ADAMTSL3: variants seen among roughly 807,000 people sequenced by gnomAD.
The protein encoded by ADAMTSL3 is ADAMTS-like protein 3.
Under a neutral mutation model 201.7 loss-of-function variants are expected in ADAMTSL3, and 128 were observed. That is an observed-to-expected ratio of 0.63 (90% confidence interval 0.55 to 0.73). The LOEUF (loss-of-function observed/expected upper bound fraction) is 0.73. ADAMTSL3 is among the 30% of genes least tolerant of loss of function. ADAMTSL3 has a pLI of 0.00. For synonymous variants in ADAMTSL3, 738 were observed against 748.4 expected (o/e 0.99, Z 0.23); for missense variants, 1,990 against 2,119.6 (o/e 0.94, Z 1.20).
intron 28 of ADAMTSL3, among the ~76,000 whole-genome samples, chr15:84,035,300 A>T (rs183476057): frequency 2.8e-4 from 43 of 152,342 alleles, no homozygotes; most frequent in Admixed American, 2.5e-3. Flanking sequence ...TATTAATAAG[A>T]CAAGACCACC....
At chr15:83,838,597 C>G (rs74341933) in intron 7 of ADAMTSL3, among the ~76,000 whole-genome samples, 1 of 152,288 alleles carries the variant, frequency 6.6e-6, no homozygotes, top group African/African-American at 2.4e-5. Context: ...GCTACTGAAG[C>G]CATTTATCAA....
chr15:83,834,756 GAATCTTATGTTATT>G (rs2064230800), intron 6 of ADAMTSL3, among the ~76,000 whole-genome samples: 1 of 152,136 alleles, frequency 6.6e-6, no homozygotes, highest in South Asian at 2.1e-4. Flanking sequence ...TGTAAGGTAA[GAATCTTATGTTATT>G]AATTTATGCT....
At chr15:83,697,893 C>G (rs529787814) in intron 2 of ADAMTSL3, among the ~76,000 whole-genome samples, 2 of 152,176 alleles carry the variant, frequency 1.3e-5, no homozygotes, top group Admixed American at 1.3e-4. Flanking sequence ...TGATTGGTTC[C>G]CCTGGCAACC....
chr15:83,850,472 A>G (rs1210513948), intron 7 of ADAMTSL3, among the ~76,000 whole-genome samples: 1 of 150,480 alleles, frequency 6.6e-6, no homozygotes, highest in African/African-American at 2.4e-5. Context: ...ATATATGTGT[A>G]TGTATATGGG....
chr15:83,766,821 G>A (rs750043764), intron 3 of ADAMTSL3, among the ~76,000 whole-genome samples: 15 of 152,196 alleles, frequency 9.9e-5, no homozygotes, highest in Admixed American at 3.3e-4. Context: ...ATGGCTGGGC[G>A]TAGTGGTTCA....
chr15:83,813,917 G>A (rs572383243), intron 5 of ADAMTSL3, among the ~76,000 whole-genome samples: 5 of 152,310 alleles, frequency 3.3e-5, no homozygotes, highest in Non-Finnish European at 5.9e-5. Flanking sequence ...ATTCACTGAT[G>A]AGTCATGTTT....
chr15:83,736,747 A>G (rs2062374675), intron 3 of ADAMTSL3, among the ~76,000 whole-genome samples: 1 of 152,202 alleles, frequency 6.6e-6, no homozygotes, highest in Non-Finnish European at 1.5e-5. Flanking sequence ...AGAATAATTC[A>G]TGCTCCAGGT....
intron 19 of ADAMTSL3, among the ~76,000 whole-genome samples, chr15:83,945,583 T>C (rs2142044729): frequency 6.6e-6 from 1 of 152,254 alleles, no homozygotes; most frequent in African/African-American, 2.4e-5. Context: ...ATCACCCAGC[T>C]AAGCCCCAAG....
chr15:83,728,028 T>C (rs1346183974), intron 3 of ADAMTSL3, among the ~76,000 whole-genome samples: 1 of 152,066 alleles, frequency 6.6e-6, no homozygotes, highest in Admixed American at 6.6e-5. Flanking sequence ...ACTATTTGTT[T>C]TATTTATCTG....
At position 83,815,079 on chromosome 15, in the gene ADAMTSL3, C is replaced by T. The variant is rs542118531; in HGVS notation, c.364-4732C>T. On this transcript the variant is annotated intron_variant, in intron 5 of 29. Coordinates refer to ENST00000286744, the MANE Select transcript of ADAMTSL3 (RefSeq NM_207517.3). Reference sequence around the variant, plus strand: ...TTCCTTTCTCTTCCCTTCTCCTCCTCTCCATCCTCTTCTCTTCCTCCTATC... The same window carrying T: ...TTCCTTTCTCTTCCCTTCTCCTCCTTTCCATCCTCTTCTCTTCCTCCTATC... Among the ~76,000 whole-genome samples the T allele has an allele frequency of 1.6e-4, 25 of 152,280 alleles. No individual in the cohort carries two copies. The East Asian group carries it at 4.4e-3, about 27-fold the overall frequency.
rs987095417 is a variant in ADAMTSL3, at chr15:83,769,096, C to CT, written c.190-4415dup. Among the ~76,000 whole-genome samples the CT allele has an allele frequency of 9.7e-3, 1,395 of 143,268 alleles. 19 individuals are homozygous for CT. Among genetic ancestry groups the CT allele is most frequent in the African/African-American group, 0.032 (1,251 of 39,262 alleles). The allele number at this position is 143,268 out of a possible 152,430, so 94.0% of individuals were successfully genotyped here. A position where few individuals can be genotyped will look rare whatever the true frequency, so the allele number is the denominator to read the frequency against. ...TTTTAGTTATTTTAGAATCAAGATT[C>CT]TTTTTTTTTTTTGTAAGTTAAGGTA... On this transcript the variant is annotated intron_variant, in intron 3 of 29. Transcript: ENST00000286744.
chr15:83,803,268 A>G (rs1179474132), intron 4 of ADAMTSL3, among the ~76,000 whole-genome samples: 1 of 152,184 alleles, frequency 6.6e-6, no homozygotes, highest in Non-Finnish European at 1.5e-5. Context: ...TTTTGTAATC[A>G]AGAAAAATGG....
At chr15:83,944,378 A>G (rs1463502600) in intron 19 of ADAMTSL3, among the ~76,000 whole-genome samples, 1 of 152,126 alleles carries the variant, frequency 6.6e-6, no homozygotes, top group Non-Finnish European at 1.5e-5. Context: ...GTGTCTTGTA[A>G]CCTTCAGTCA....
chr15:83,675,486 G>A (rs1315528329), intron 2 of ADAMTSL3, among the ~76,000 whole-genome samples: 1 of 151,746 alleles, frequency 6.6e-6, no homozygotes, highest in Non-Finnish European at 1.5e-5. Flanking sequence ...CTTGGTCATG[G>A]CCTATCATTC....
intron 25 of ADAMTSL3, among the ~76,000 whole-genome samples, chr15:84,016,814 T>C (rs1221212053): frequency 6.6e-6 from 1 of 152,218 alleles, no homozygotes; most frequent in Admixed American, 6.5e-5. Context: ...TTAATAGATA[T>C]TAATAGTCTG....
rs1567226029 is a variant in ADAMTSL3 at position 83,903,930 on chromosome 15, A to AGGGAGGGAGGGAGGGAGGGAGGGAGG, written c.1700+4199_1700+4200insGGGAGGGAGGGAGGGAGGGAGGGAGG. ...CAGACTCCACATCAAAAAAAAAAAA[A>AGGGAGGGAGGGAGGGAGGGAGGGAGG]AAAAAAAAAAAAAAGAAAAAAGAAA... On this transcript the variant is annotated intron_variant, in intron 15 of 29. Coordinates refer to ENST00000286744, the MANE Select transcript of ADAMTSL3 (RefSeq NM_207517.3). Among the ~76,000 whole-genome samples the AGGGAGGGAGGGAGGGAGGGAGGGAGG allele has an allele frequency of 2.9e-4, 8 of 27,228 alleles. No homozygotes were observed. In the African/African-American group the frequency reaches 3.0e-3, roughly 10 times the overall value. 17.9% of individuals were successfully genotyped at this position (27,228 alleles called of 152,430 possible).
chr15:83,843,087 A>C (rs193085240), intron 7 of ADAMTSL3, among the ~76,000 whole-genome samples: 2 of 152,258 alleles, frequency 1.3e-5, no homozygotes, highest in Non-Finnish European at 2.9e-5. Context: ...TGGATTACAT[A>C]TGCTTTTGAG....
intron 3 of ADAMTSL3, among the ~76,000 whole-genome samples, chr15:83,708,462 T>C (rs1482172011): frequency 2.0e-5 from 3 of 152,162 alleles, no homozygotes; most frequent in Admixed American, 1.3e-4. Context: ...CTGCATTTAA[T>C]GGGAGGCGTA....
intron 23 of ADAMTSL3, among the ~76,000 whole-genome samples, chr15:83,994,026 C>G (rs1235216444): frequency 6.6e-6 from 1 of 152,166 alleles, no homozygotes; most frequent in East Asian, 1.9e-4. Flanking sequence ...TGTTGTGTGT[C>G]ACGCTCCTCT....
Sources: gnomAD v4.1 joint callset for allele counts (sites outside exome capture counted in the v4.1 genomes callset) on GRCh38, gnomAD v4.1.1 for gene constraint, MANE v1.5 for transcripts, NCBI Gene and HGNC (gene_info 2026-07-23, HGNC 2026-07-21) for gene names.